The following PMM2 variants were observed in gnomAD, a reference collection of about 807,000 sequenced individuals.
The protein encoded by PMM2 is mannose-6-phosphate isomerase.
Under a neutral mutation model 33.2 loss-of-function variants are expected in PMM2, and 35 were observed. The observed-to-expected ratio is 1.06, with a 90% CI of 0.81 to 1.40. The LOEUF (loss-of-function observed/expected upper bound fraction) is 1.40, where lower values mean the gene tolerates loss of function less well. Among genes scored for constraint, PMM2 ranks in the 40% most tolerant of loss-of-function variants. The probability of loss-of-function intolerance (pLI) is 0.00; values close to 1 mark genes in which losing one functional copy is unlikely to be tolerated. For missense variants in PMM2, 386 were observed against 306.0 expected, an observed-to-expected ratio of 1.26 and a Z score of -1.95; for synonymous variants, 153 against 114.7, an observed-to-expected ratio of 1.33 and a Z score of -2.13.
At chr16:8,804,022 G>GTTTTTT (rs770345977) in intron 2 of PMM2, among the ~76,000 whole-genome samples, 13 of 25,982 alleles carry the variant, frequency 5.0e-4, no homozygotes, top group African/African-American at 1.5e-3. Context: ...TGTTTTTTGG[G>GTTTTTT]TTTTTTTTGT....
In PMM2 at chr16:8,819,124, A is replaced by G. The variant is rs3743814; in HGVS notation, c.639+6018A>G. On this transcript the variant is annotated intron_variant, in intron 7 of 7. Coordinates refer to ENST00000268261, the MANE Select transcript of PMM2 (RefSeq NM_000303.3). ...CGCTTCCATTTTGGGTAATTTGGCT[A>G]TCAGTGCACTCAAGCATGTGTGAAA... Among the ~76,000 whole-genome samples the G allele has an allele frequency of 3.0e-4, 46 of 152,342 alleles. 1 individual carries two copies. The East Asian group carries it at 8.9e-3, about 29-fold the overall frequency.
chr16:8,838,541 A>T (rs2060867694), intron 7 of PMM2, among the ~76,000 whole-genome samples: 1 of 151,876 alleles, frequency 6.6e-6, no homozygotes, highest in Non-Finnish European at 1.5e-5. Flanking sequence ...CGGCGTGGGA[A>T]CCTAGAGTGG....
intron 2 of PMM2, among the ~76,000 whole-genome samples, chr16:8,803,249 A>C (rs1270257420): frequency 6.6e-6 from 1 of 152,162 alleles, no homozygotes; most frequent in African/African-American, 2.4e-5. Flanking sequence ...ATCTCTTTAA[A>C]ACTCTCTCTT....
intron 7 of PMM2, among the ~76,000 whole-genome samples, chr16:8,824,646 G>T (rs2060756452): frequency 6.6e-6 from 1 of 151,534 alleles, no homozygotes; most frequent in African/African-American, 2.4e-5. Flanking sequence ...GCCTCTTTTG[G>T]ACTTTAGGGG....
chr16:8,815,937 G>A (rs1764881513), intron 7 of PMM2, among the ~76,000 whole-genome samples: 1 of 150,996 alleles, frequency 6.6e-6, no homozygotes, highest in Non-Finnish European at 1.5e-5. Context: ...AAATGTATAA[G>A]AAACTCCAAC....
chr16:8,820,418 A>G (rs1425677429), intron 7 of PMM2, among the ~76,000 whole-genome samples: 3 of 149,208 alleles, frequency 2.0e-5, no homozygotes, highest in Admixed American at 1.3e-4. Context: ...CAGTGGCGCA[A>G]TCTTGGTTCA....
At chr16:8,820,986 C>G (rs2060736135) in intron 7 of PMM2, among the ~76,000 whole-genome samples, 1 of 111,424 alleles carries the variant, frequency 9.0e-6, no homozygotes, top group Non-Finnish European at 1.9e-5. Flanking sequence ...CTTTGGATGG[C>G]AGTTGGCCTT....
chr16:8,848,169 C>G lies in PMM2; in HGVS notation c.*344C>G, dbSNP rs1232763986. The G allele has an allele frequency of 3.4e-6, 1 of 294,886 alleles. No individual in the cohort carries two copies. The highest frequency in any genetic ancestry group is 4.7e-5 in the Admixed American group (1 of 21,254). 18.3% of individuals were successfully genotyped at this position (294,886 alleles called of 1,614,324 possible). On this transcript the variant is annotated 3_prime_UTR_variant, in exon 8 of 8. Transcript: ENST00000268261. ...GGATGATACAGAAAGAAAAACTGTGCCTGGACCCTCCCTCTTGGTGGGTCT... is the reference window on the plus strand; with the variant it reads ...GGATGATACAGAAAGAAAAACTGTGGCTGGACCCTCCCTCTTGGTGGGTCT...
At position 8,845,589 on chromosome 16, in the gene PMM2, T is replaced by C. The variant is rs188474874; in HGVS notation, c.640-2135T>C. On this transcript the variant is annotated intron_variant, in intron 7 of 7. Transcript: ENST00000268261. ...GGTTGTGCCTTTGGTTTTTTGTTTG[T>C]TTTTTTTTCTTTTGAGTCTCGCTCT... Among the ~76,000 whole-genome samples, 887 of 147,422 alleles carry C rather than the reference T, an allele frequency of 6.0e-3. 12 individuals carry two copies. Among genetic ancestry groups the C allele is most frequent in the African/African-American group, 0.022 (850 of 37,958 alleles).
At chr16:8,819,100 G>A (rs1205455824) in intron 7 of PMM2, among the ~76,000 whole-genome samples, 3 of 152,178 alleles carry the variant, frequency 2.0e-5, no homozygotes, top group Non-Finnish European at 4.4e-5. Context: ...TTGACTTGAC[G>A]CTTCCATTTT....
chr16:8,846,466 G>A (rs1453728922), intron 7 of PMM2, among the ~76,000 whole-genome samples: 4 of 152,074 alleles, frequency 2.6e-5, no homozygotes, highest in African/African-American at 7.2e-5. Context: ...TGAGAAAAAC[G>A]GGGGCTTTCC....
chr16:8,847,476 G>T (rs943623044), intron 7 of PMM2, among the ~76,000 whole-genome samples: 1 of 151,776 alleles, frequency 6.6e-6, no homozygotes, highest in African/African-American at 2.4e-5. Context: ...CAAGAACATC[G>T]TGATGGCTCT....
intron 7 of PMM2, among the ~76,000 whole-genome samples, chr16:8,841,139 C>G (rs1045632496): frequency 6.6e-6 from 1 of 151,660 alleles, no homozygotes; most frequent in African/African-American, 2.4e-5. Flanking sequence ...CTTTAAAAGA[C>G]CATTAGTCCG....
At chr16:8,813,690 G>A (rs747764614) in intron 7 of PMM2, among the ~76,000 whole-genome samples, 1 of 152,032 alleles carries the variant, frequency 6.6e-6, no homozygotes, top group Non-Finnish European at 1.5e-5. Flanking sequence ...GCAGAGCCCA[G>A]TGTTAAAGGC....
chr16:8,847,100 G>C (rs1272362095), intron 7 of PMM2, among the ~76,000 whole-genome samples: 3 of 152,144 alleles, frequency 2.0e-5, no homozygotes, highest in African/African-American at 7.2e-5. Flanking sequence ...CTGACCTCAA[G>C]TGATCCACCC....
chr16:8,847,934 G>A lies in PMM2; in HGVS notation c.*109G>A, dbSNP rs1324760885. On this transcript the variant is annotated 3_prime_UTR_variant, in exon 8 of 8. Transcript: ENST00000268261. ...GCTCACCCACCCGCAGCCTAGGCAG[G>A]CTCTGCATGCTATGCCAGGCATGTG... is the stretch of plus-strand genomic sequence containing the variant. The A allele has an allele frequency of 2.6e-6, 2 of 767,818 alleles. No individual in the cohort carries two copies. The highest frequency in any genetic ancestry group is 2.0e-5 in the Admixed American group (1 of 50,082). The allele number at this position is 767,818 out of a possible 1,614,324, so 47.6% of individuals were successfully genotyped here.
chr16:8,798,822 C>G (rs985219080), intron 1 of PMM2, among the ~76,000 whole-genome samples: 4 of 152,218 alleles, frequency 2.6e-5, no homozygotes, highest in Admixed American at 6.5e-5. Flanking sequence ...CTATCCTCAG[C>G]TTCTACCCTC....
At chr16:8,843,972 T>G (rs2141048142) in intron 7 of PMM2, among the ~76,000 whole-genome samples, 1 of 151,932 alleles carries the variant, frequency 6.6e-6, no homozygotes, top group East Asian at 1.9e-4. Context: ...GAAGGAAGAT[T>G]TGGGACGAGT....
chr16:8,836,465 C>T (rs1207730930), intron 7 of PMM2, among the ~76,000 whole-genome samples: 103 of 152,100 alleles, frequency 6.8e-4, no homozygotes, highest in African/African-American at 2.4e-3. Context: ...GCCAGATTTC[C>T]AGCACGTGTA....
Sources: gnomAD v4.1 joint callset for allele counts (sites outside exome capture counted in the v4.1 genomes callset) on GRCh38, gnomAD v4.1.1 for gene constraint, MANE v1.5 for transcripts, NCBI Gene and HGNC (gene_info 2026-07-23, HGNC 2026-07-21) for gene names.